NTNG1: variants seen among roughly 807,000 people sequenced by gnomAD.
The protein encoded by NTNG1 is netrin-G1.
A neutral mutation model predicts 54.0 loss-of-function variants in NTNG1; 16 were observed. That is an observed-to-expected ratio of 0.30 (90% CI 0.20 to 0.45). The LOEUF (loss-of-function observed/expected upper bound fraction) is 0.45. Among genes scored for constraint, NTNG1 ranks in the 20% least tolerant of loss-of-function variants. The probability of loss-of-function intolerance (pLI) is 1.00; values close to 1 mark genes in which losing one functional copy is unlikely to be tolerated. For missense variants in NTNG1, 530 were observed against 678.7 expected (o/e 0.78, Z 2.43); for synonymous variants, 255 against 263.1 (o/e 0.97, Z 0.30).
chr1:107,380,613 T>C (rs1165936631), intron 3 of NTNG1, among the ~76,000 whole-genome samples: 1 of 152,240 alleles, frequency 6.6e-6, no homozygotes, highest in African/African-American at 2.4e-5. Flanking sequence ...TAATTTACTA[T>C]TGTTATTATT....
intron 5 of NTNG1, among the ~76,000 whole-genome samples, chr1:107,417,450 G>C (rs1051301161): frequency 6.6e-6 from 1 of 152,086 alleles, no homozygotes; most frequent in Non-Finnish European, 1.5e-5. Flanking sequence ...CAGTAGCATA[G>C]CCACTTGGTA....
At position 107,395,292 on chromosome 1, in the gene NTNG1, C is replaced by T; in HGVS notation, c.1026C>T (p.Ser342=). ...NYQGRPWSPG[S]YLPIPKGTAN... Reference sequence around the variant, plus strand: ...AGGGCCGACCTTGGAGTCCAGGCTCCTATCTCCCCATCCCCAAAGGCACTG... The same window carrying T: ...AGGGCCGACCTTGGAGTCCAGGCTCTTATCTCCCCATCCCCAAAGGCACTG... The change falls in exon 4 of 8, where the codon TCC becomes TCT. Residue 342 remains serine (S), a synonymous_variant. Coordinates refer to ENST00000370068, the MANE Select transcript of NTNG1 (RefSeq NM_001113226.3). 1 of 1,613,592 alleles carries T rather than the reference C, an allele frequency of 6.2e-7. No individual in the cohort carries two copies. Among genetic ancestry groups the T allele is most frequent in the Non-Finnish European group, 8.5e-7 (1 of 1,179,640 alleles).
intron 2 of NTNG1, among the ~76,000 whole-genome samples, chr1:107,149,288 A>G (rs1181460867): frequency 6.6e-6 from 1 of 152,182 alleles, no homozygotes; most frequent in East Asian, 1.9e-4. Context: ...GAGAGACTAG[A>G]TCTCATAATT....
intron 7 of NTNG1, among the ~76,000 whole-genome samples, chr1:107,462,625 C>T (rs1018117310): frequency 5.9e-5 from 9 of 152,178 alleles, no homozygotes; most frequent in Non-Finnish European, 1.2e-4. Context: ...CCTTTAATTT[C>T]CCAAACAGGA....
chr1:107,312,571 C>T (rs1289180770), intron 2 of NTNG1, among the ~76,000 whole-genome samples: 2 of 152,104 alleles, frequency 1.3e-5, no homozygotes, highest in African/African-American at 4.8e-5. Context: ...CAGAGCCATG[C>T]CTCTTAACAA....
At chr1:107,272,924 T>C (rs940720538) in intron 2 of NTNG1, among the ~76,000 whole-genome samples, 1 of 152,210 alleles carries the variant, frequency 6.6e-6, no homozygotes. Context: ...TTGTCCATAA[T>C]ACAAACTAAT....
At chr1:107,313,791 C>T (rs2101844541) in intron 2 of NTNG1, among the ~76,000 whole-genome samples, 1 of 152,248 alleles carries the variant, frequency 6.6e-6, no homozygotes, top group Middle Eastern at 3.4e-3. Context: ...CTTGCATTTA[C>T]TCTTCTTTAC....
chr1:107,168,732 C>T (rs1281609761), intron 2 of NTNG1, among the ~76,000 whole-genome samples: 1 of 152,086 alleles, frequency 6.6e-6, no homozygotes. Context: ...TCAGGACAGG[C>T]CCATTAGTCT....
intron 1 of NTNG1, among the ~76,000 whole-genome samples, chr1:107,146,048 A>G (rs983016536): frequency 4.6e-5 from 7 of 152,108 alleles, no homozygotes; most frequent in Non-Finnish European, 8.8e-5. Flanking sequence ...GATGAGGAGA[A>G]TATCATTTGT....
intron 7 of NTNG1, among the ~76,000 whole-genome samples, chr1:107,470,379 A>T (rs1351024249): frequency 6.6e-6 from 1 of 152,220 alleles, no homozygotes; most frequent in East Asian, 1.9e-4. Flanking sequence ...AAGAGTGAAA[A>T]GTATAAAGAT....
intron 2 of NTNG1, among the ~76,000 whole-genome samples, chr1:107,181,692 A>G (rs575974086): frequency 9.2e-4 from 140 of 152,250 alleles, no homozygotes; most frequent in Middle Eastern, 3.4e-3. Context: ...CCCTTGCTGT[A>G]CTGCGCTTCT....
At chr1:107,444,417 C>G (rs1676182831) in intron 7 of NTNG1, among the ~76,000 whole-genome samples, 1 of 152,126 alleles carries the variant, frequency 6.6e-6, no homozygotes, top group Non-Finnish European at 1.5e-5. Flanking sequence ...ATGTACTCCA[C>G]AGTAGCATCA....
intron 3 of NTNG1, among the ~76,000 whole-genome samples, chr1:107,370,873 A>G (rs1265889488): frequency 6.6e-6 from 1 of 152,110 alleles, no homozygotes; most frequent in Non-Finnish European, 1.5e-5. Flanking sequence ...GGCTTTTATT[A>G]TAATTTTCAA....
In NTNG1 at chr1:107,361,308, CAT is replaced by C. The variant is rs1318179893; in HGVS notation, c.888-33844_888-33843del. Among the ~76,000 whole-genome samples the C allele has an allele frequency of 1.5e-3, 199 of 132,410 alleles. 1 individual carries two copies. Among genetic ancestry groups the C allele is most frequent in the African/African-American group, 5.3e-3 (191 of 36,216 alleles). 86.9% of individuals were successfully genotyped at this position (132,410 alleles called of 152,430 possible). On this transcript the variant is annotated intron_variant, in intron 3 of 7. Coordinates refer to ENST00000370068, the MANE Select transcript of NTNG1 (RefSeq NM_001113226.3). ...ATAATTTTTATATAAAAATATATAA[CAT>C]AATATATAACATATATAATCATTAT... is the stretch of plus-strand genomic sequence containing the variant.
intron 2 of NTNG1, among the ~76,000 whole-genome samples, chr1:107,170,573 T>C (rs1656146449): frequency 6.6e-6 from 1 of 152,164 alleles, no homozygotes; most frequent in Non-Finnish European, 1.5e-5. Context: ...TCATTAGTAT[T>C]AATAACCAGA....
intron 2 of NTNG1, among the ~76,000 whole-genome samples, chr1:107,297,489 A>G (rs1666055323): frequency 6.6e-6 from 1 of 151,904 alleles, no homozygotes; most frequent in Non-Finnish European, 1.5e-5. Flanking sequence ...ACATCTAACA[A>G]ATGATATTTA....
intron 1 of NTNG1, among the ~76,000 whole-genome samples, chr1:107,145,053 G>A: frequency 6.6e-6 from 1 of 151,978 alleles, no homozygotes; most frequent in East Asian, 1.9e-4. Context: ...GAAGGGATAG[G>A]TTTAGTATAT....
chr1:107,155,100 G>GT (rs1213179011), intron 2 of NTNG1, among the ~76,000 whole-genome samples: 1 of 152,046 alleles, frequency 6.6e-6, no homozygotes, highest in Non-Finnish European at 1.5e-5. Context: ...TCTCTGGACT[G>GT]TTTTGAACTA....
At chr1:107,253,664 G>T (rs1045196271) in intron 2 of NTNG1, among the ~76,000 whole-genome samples, 6 of 152,090 alleles carry the variant, frequency 3.9e-5, no homozygotes, top group African/African-American at 1.4e-4. Flanking sequence ...GTCTTTAATG[G>T]CTTCGCTGAT....
Sources: allele counts gnomAD v4.1 joint callset (sites outside exome capture counted in the v4.1 genomes callset), GRCh38; gene constraint gnomAD v4.1.1; transcripts MANE v1.5; gene names NCBI Gene and HGNC (gene_info 2026-07-23, HGNC 2026-07-21).